Variants in ARHGAP24 observed in about 807,000 individuals in gnomAD.
ARHGAP24 encodes rho GTPase-activating protein 24.
Under a neutral mutation model 76.4 loss-of-function variants are expected in ARHGAP24, and 50 were observed. That is an observed-to-expected ratio of 0.65 (90% CI 0.52 to 0.83). The LOEUF is 0.83. Among genes scored for constraint, ARHGAP24 ranks in the 40% least tolerant of loss-of-function variants. The probability of loss-of-function intolerance (pLI) is 0.00; values close to 1 mark genes in which losing one functional copy is unlikely to be tolerated. For missense variants in ARHGAP24, 930 were observed against 914.2 expected (o/e 1.02, Z -0.22); for synonymous variants, 345 against 323.3 (o/e 1.07, Z -0.72).
intron 3 of ARHGAP24, among the ~76,000 whole-genome samples, chr4:85,723,947 C>T (rs1725058216): frequency 6.6e-6 from 1 of 152,138 alleles, no homozygotes; most frequent in Admixed American, 6.6e-5. Flanking sequence ...ATAACAATTA[C>T]TTTATCTTTG....
intron 3 of ARHGAP24, among the ~76,000 whole-genome samples, chr4:85,760,494 A>C (rs193230347): frequency 8.9e-4 from 136 of 152,284 alleles, no homozygotes; most frequent in African/African-American, 3.0e-3. Context: ...TCTTTCTTTA[A>C]CTGTAGCATT....
intron 9 of ARHGAP24, among the ~76,000 whole-genome samples, chr4:85,999,492 C>A (rs1288537861): frequency 2.0e-5 from 3 of 152,116 alleles, no homozygotes; most frequent in Non-Finnish European, 4.4e-5. Flanking sequence ...AATTTAAAAA[C>A]TGTTATTAAA....
At chr4:85,934,865 A>G (rs1248494142) in intron 4 of ARHGAP24, among the ~76,000 whole-genome samples, 1 of 152,224 alleles carries the variant, frequency 6.6e-6, no homozygotes, top group Non-Finnish European at 1.5e-5. Flanking sequence ...GTATCCTAAT[A>G]GCCACCTTGA....
At chr4:85,844,040 T>C (rs1038894220) in intron 3 of ARHGAP24, among the ~76,000 whole-genome samples, 3 of 152,170 alleles carry the variant, frequency 2.0e-5, no homozygotes, top group African/African-American at 7.2e-5. Flanking sequence ...AATGTAACAA[T>C]TGATTCTAAT....
At chr4:85,874,834 AT>A (rs1732749097) in intron 3 of ARHGAP24, among the ~76,000 whole-genome samples, 1 of 64,746 alleles carries the variant, frequency 1.5e-5, no homozygotes, top group Non-Finnish European at 2.5e-5. Flanking sequence ...TATATATAAA[AT>A]ATATTTTTAT....
intron 3 of ARHGAP24, among the ~76,000 whole-genome samples, chr4:85,896,942 G>A (rs1037934534): frequency 2.0e-5 from 3 of 152,108 alleles, no homozygotes; most frequent in Non-Finnish European, 4.4e-5. Flanking sequence ...TGACAAACAT[G>A]GAGTTTGGTT....
intron 3 of ARHGAP24, among the ~76,000 whole-genome samples, chr4:85,920,657 A>G (rs1285316002): frequency 1.3e-5 from 2 of 152,222 alleles, no homozygotes; most frequent in Non-Finnish European, 2.9e-5. Flanking sequence ...AGCATCTATG[A>G]GGAACTTAAA....
intron 3 of ARHGAP24, among the ~76,000 whole-genome samples, chr4:85,909,862 T>C (rs1734981258): frequency 6.6e-6 from 1 of 152,198 alleles, no homozygotes; most frequent in Non-Finnish European, 1.5e-5. Context: ...GGGTGTCCCT[T>C]TTCTGGCCTG....
intron 1 of ARHGAP24, among the ~76,000 whole-genome samples, chr4:85,538,599 A>C (rs1020966422): frequency 5.9e-5 from 9 of 152,130 alleles, no homozygotes; most frequent in Admixed American, 2.0e-4. Flanking sequence ...CCACGCACCT[A>C]TTTGACTTGT....
intron 3 of ARHGAP24, among the ~76,000 whole-genome samples, chr4:85,899,538 A>G (rs1370158894): frequency 6.6e-6 from 1 of 152,254 alleles, no homozygotes; most frequent in African/African-American, 2.4e-5. Flanking sequence ...GGGTGTTAAG[A>G]TAGAATTCAC....
chr4:85,681,765 C>G (rs17392334), intron 2 of ARHGAP24, among the ~76,000 whole-genome samples: 2 of 152,008 alleles, frequency 1.3e-5, no homozygotes, highest in South Asian at 4.1e-4. Context: ...GCTGTCTAAG[C>G]TGGACAGAAG....
At chr4:85,810,661 GTAAA>G (rs1048044154) in intron 3 of ARHGAP24, among the ~76,000 whole-genome samples, 13 of 152,044 alleles carry the variant, frequency 8.6e-5, no homozygotes, top group African/African-American at 2.7e-4. Context: ...TTCACATGTA[GTAAA>G]TAGTTTTAAT....
chr4:85,777,017 TCAAA>T (rs1197716099), intron 3 of ARHGAP24, among the ~76,000 whole-genome samples: 5 of 152,194 alleles, frequency 3.3e-5, no homozygotes, highest in African/African-American at 4.8e-5. Flanking sequence ...TGCATAGGGC[TCAAA>T]CAGACATAAT....
At chr4:85,590,192 G>GCCTTCCTT (rs563217345) in intron 2 of ARHGAP24, among the ~76,000 whole-genome samples, 39 of 111,314 alleles carry the variant, frequency 3.5e-4, no homozygotes, top group Admixed American at 4.1e-4. Flanking sequence ...CTGCCTGCCT[G>GCCTTCCTT]CCTTCCTTCC....
chr4:85,540,112 A>G (rs1725619829), intron 1 of ARHGAP24, among the ~76,000 whole-genome samples: 1 of 151,946 alleles, frequency 6.6e-6, no homozygotes, highest in South Asian at 2.1e-4. Flanking sequence ...TTTTACTAGC[A>G]TGAGTTTTTA....
intron 2 of ARHGAP24, among the ~76,000 whole-genome samples, chr4:85,572,559 A>C (rs1219224305): frequency 6.6e-6 from 1 of 152,164 alleles, no homozygotes; most frequent in East Asian, 1.9e-4. Context: ...TTAAAATGTA[A>C]AAACTCCAGA....
intron 2 of ARHGAP24, among the ~76,000 whole-genome samples, chr4:85,611,708 G>A (rs992757409): frequency 3.9e-5 from 6 of 152,186 alleles, no homozygotes; most frequent in African/African-American, 1.4e-4. Flanking sequence ...GTTAGAAAAT[G>A]TGGAGAAAGA....
At chr4:85,485,812 A>C (rs182092793) in intron 1 of ARHGAP24, among the ~76,000 whole-genome samples, 1 of 150,504 alleles carries the variant, frequency 6.6e-6, no homozygotes, top group Admixed American at 6.6e-5. Flanking sequence ...GGCTCACTGC[A>C]ACCTCTGCCT....
At chr4:85,826,670 A>G (rs1335801245) in intron 3 of ARHGAP24, among the ~76,000 whole-genome samples, 2 of 152,148 alleles carry the variant, frequency 1.3e-5, no homozygotes, top group Non-Finnish European at 2.9e-5. Context: ...TATAGAAAGC[A>G]TTTTGTCCTA....
Sources: gnomAD v4.1 joint callset for allele counts (sites outside exome capture counted in the v4.1 genomes callset) on GRCh38, gnomAD v4.1.1 for gene constraint, MANE v1.5 for transcripts, NCBI Gene and HGNC (gene_info 2026-07-23, HGNC 2026-07-21) for gene names.